The following RIMS1 variants were observed in gnomAD, a reference collection of about 807,000 sequenced individuals.
RIMS1 encodes regulating synaptic membrane exocytosis protein 1.
A neutral mutation model predicts 214.1 loss-of-function variants in RIMS1; 83 were observed. The observed-to-expected ratio is 0.39, with a 90% CI of 0.32 to 0.47. The LOEUF (loss-of-function observed/expected upper bound fraction) is 0.47. Among genes scored for constraint, RIMS1 ranks in the 20% least tolerant of loss-of-function variants. The pLI, the probability that RIMS1 is intolerant of heterozygous loss-of-function variation, is 0.99. For synonymous variants in RIMS1, 793 were observed against 786.8 expected, an observed-to-expected ratio of 1.01 and a Z score of -0.13; for missense variants, 2,050 against 2,161.8, an observed-to-expected ratio of 0.95 and a Z score of 1.03.
chr6:71,928,655 TTTTTTTCTTCA>T, intron 1 of RIMS1, among the ~76,000 whole-genome samples: 1 of 152,214 alleles, frequency 6.6e-6, no homozygotes, highest in South Asian at 2.1e-4. Flanking sequence ...TAGCTAATAC[TTTTTTTCTTCA>T]TCAAGTCCTT....
At chr6:72,005,292 A>T (rs1450318180) in intron 2 of RIMS1, among the ~76,000 whole-genome samples, 2 of 152,188 alleles carry the variant, frequency 1.3e-5, no homozygotes, top group Admixed American at 1.3e-4. Flanking sequence ...TATAATTTGA[A>T]GTCAGGTAGC....
intron 2 of RIMS1, among the ~76,000 whole-genome samples, chr6:72,089,078 A>G (rs1227006188): frequency 6.6e-6 from 1 of 152,184 alleles, no homozygotes; most frequent in African/African-American, 2.4e-5. Flanking sequence ...GACATAGATT[A>G]GAGGATTGTA....
chr6:72,225,467 G>T (rs1001397185), intron 6 of RIMS1, among the ~76,000 whole-genome samples: 1 of 152,008 alleles, frequency 6.6e-6, no homozygotes, highest in Admixed American at 6.6e-5. Context: ...ATGCTGTTTT[G>T]CTAGTATTGC....
chr6:72,366,692 G>A (rs765207309), intron 29 of RIMS1: 18 of 985,106 alleles, frequency 1.8e-5, no homozygotes, highest in Admixed American at 1.2e-4. Flanking sequence ...CGGAGGGTGA[G>A]GGAGGAGGAG....
In RIMS1 at chr6:72,399,081, G is replaced by A. The variant is rs780327564; in HGVS notation, c.4847G>A (p.Gly1616Asp). Residue 1616 changes from glycine (G) to aspartate (D), a missense_variant, in exon 33 of 34, where the codon GGT becomes GAT. Coordinates refer to ENST00000521978, the MANE Select transcript of RIMS1 (RefSeq NM_014989.7). ...QSLVFDESPQ[G>D]KVLQVIVWGD... ...CTGGTTTTTGATGAAAGTCCACAGG[G>A]TAAAGTTCTTCAGGTCAGTAATAGT... 1.2e-6 allele frequency: 2 copies of A among 1,603,962 alleles called. No homozygotes were observed. Among genetic ancestry groups the A allele is most frequent in the Non-Finnish European group, 1.7e-6 (2 of 1,174,836 alleles).
intron 2 of RIMS1, among the ~76,000 whole-genome samples, chr6:72,091,958 A>T (rs547682577): frequency 1.5e-4 from 23 of 152,368 alleles, no homozygotes; most frequent in African/African-American, 5.0e-4. Flanking sequence ...TTAATAAAAT[A>T]TGTATTTCCA....
chr6:72,246,398 G>A (rs1167682573), intron 11 of RIMS1, among the ~76,000 whole-genome samples: 1 of 152,082 alleles, frequency 6.6e-6, no homozygotes, highest in African/African-American at 2.4e-5. Flanking sequence ...AATTTAAGTC[G>A]TTTCTGTATG....
At chr6:72,057,665 T>G (rs912165537) in intron 2 of RIMS1, among the ~76,000 whole-genome samples, 1 of 151,900 alleles carries the variant, frequency 6.6e-6, no homozygotes, top group Non-Finnish European at 1.5e-5. Flanking sequence ...CCGCCACCAC[T>G]ACTAGCTAAT....
chr6:72,074,289 T>G (rs1352690777), intron 2 of RIMS1, among the ~76,000 whole-genome samples: 3 of 152,194 alleles, frequency 2.0e-5, no homozygotes, highest in Non-Finnish European at 2.9e-5. Context: ...ATAGTTATTT[T>G]TTGTGTTCTT....
At chr6:71,954,486 C>T (rs891012318) in intron 1 of RIMS1, among the ~76,000 whole-genome samples, 1 of 152,104 alleles carries the variant, frequency 6.6e-6, no homozygotes, top group African/African-American at 2.4e-5. Flanking sequence ...TTAGCTTTAA[C>T]TGTATTTACA....
intron 27 of RIMS1, among the ~76,000 whole-genome samples, chr6:72,307,631 C>T (rs2095287138): frequency 6.6e-6 from 1 of 151,816 alleles, no homozygotes; most frequent in African/African-American, 2.4e-5. Context: ...CCTGTAATCC[C>T]AGCTACTTGG....
chr6:72,391,732 A>G (rs2098705883), intron 30 of RIMS1, among the ~76,000 whole-genome samples: 1 of 152,206 alleles, frequency 6.6e-6, no homozygotes. Context: ...GTTTCCAGTA[A>G]GGAATATAAG....
At chr6:72,306,533 T>A (rs1291184735) in intron 26 of RIMS1, among the ~76,000 whole-genome samples, 1 of 152,204 alleles carries the variant, frequency 6.6e-6, no homozygotes, top group Non-Finnish European at 1.5e-5. Context: ...AGGCTGCAAT[T>A]CTTGCCCTCC....
chr6:72,365,740 C>T (rs958035700), intron 29 of RIMS1: 1 of 152,234 alleles, frequency 6.6e-6, no homozygotes, highest in African/African-American at 2.4e-5. Flanking sequence ...AAACAGAACA[C>T]TCTAGACTCT....
chr6:71,946,881 A>C (rs952127515), intron 1 of RIMS1, among the ~76,000 whole-genome samples: 9 of 152,116 alleles, frequency 5.9e-5, no homozygotes, highest in African/African-American at 1.7e-4. Context: ...ATATTTGCAA[A>C]ATGTACATCT....
chr6:71,902,543 G>A (rs2150477269), intron 1 of RIMS1, among the ~76,000 whole-genome samples: 1 of 152,054 alleles, frequency 6.6e-6, no homozygotes, highest in South Asian at 2.1e-4. Flanking sequence ...TTCTTCAACA[G>A]TTATTTTAAG....
intron 27 of RIMS1, among the ~76,000 whole-genome samples, chr6:72,308,656 G>T (rs2095356723): frequency 6.6e-6 from 1 of 152,102 alleles, no homozygotes; most frequent in South Asian, 2.1e-4. Flanking sequence ...GTTTGATACA[G>T]TCTGTCACTT....
intron 29 of RIMS1, among the ~76,000 whole-genome samples, chr6:72,334,591 G>A (rs973233314): frequency 6.6e-6 from 1 of 151,816 alleles, no homozygotes; most frequent in African/African-American, 2.4e-5. Context: ...AAAATCAAAG[G>A]TAAGTGAAAT....
At chr6:71,906,364 C>T (rs904179017) in intron 1 of RIMS1, among the ~76,000 whole-genome samples, 7 of 152,082 alleles carry the variant, frequency 4.6e-5, no homozygotes, top group African/African-American at 1.7e-4. Context: ...ACACCAACAG[C>T]AAAAAGTGCT....
Sources: gnomAD v4.1 joint callset for allele counts (sites outside exome capture counted in the v4.1 genomes callset) on GRCh38, gnomAD v4.1.1 for gene constraint, MANE v1.5 for transcripts, NCBI Gene and HGNC (gene_info 2026-07-23, HGNC 2026-07-21) for gene names.